Variants in BLTP1 observed in about 807,000 individuals in gnomAD.
The protein encoded by BLTP1 is fragile site-associated protein.
chr4:122,200,951 G>T, the BLTP1 span: 2 of 1,582,484 alleles, frequency 1.3e-6, no homozygotes, highest in Admixed American at 1.8e-5. Flanking sequence ...TTCTAATGCT[G>T]TTCACACAGT....
At chr4:122,247,452 A>G in the BLTP1 span, 5 of 1,381,864 alleles carry the variant, frequency 3.6e-6, no homozygotes, top group Middle Eastern at 1.8e-4. Flanking sequence ...GACTATTGCT[A>G]CAATTCGGTA....
chr4:122,203,787 G>A, the BLTP1 span: 1 of 507,664 alleles, frequency 2.0e-6, no homozygotes, highest in Non-Finnish European at 2.5e-6. Context: ...AGTTATTAAA[G>A]AAAAAAACTA....
chr4:122,339,534 A>T, the BLTP1 span: 1 of 676,618 alleles, frequency 1.5e-6, no homozygotes, highest in Non-Finnish European at 2.2e-6. Flanking sequence ...AGGATTATTT[A>T]TAGAAAGAAA....
At chr4:122,166,846 G>T in the BLTP1 span, among the ~76,000 whole-genome samples, 2 of 152,072 alleles carry the variant, frequency 1.3e-5, no homozygotes, top group Non-Finnish European at 2.9e-5. Context: ...ATTGTGAATG[G>T]GAGTTCACTC....
chr4:122,238,785 T>C, the BLTP1 span, among the ~76,000 whole-genome samples: 7 of 152,206 alleles, frequency 4.6e-5, no homozygotes, highest in African/African-American at 1.4e-4. Context: ...GTCTCCATTG[T>C]CCTGTCCTCC....
chr4:122,320,840 T>G, the BLTP1 span, among the ~76,000 whole-genome samples: 1 of 152,096 alleles, frequency 6.6e-6, no homozygotes, highest in Non-Finnish European at 1.5e-5. Flanking sequence ...TATTTGTTAC[T>G]ATTTTCTACT....
the BLTP1 span, chr4:122,270,474 A>C: frequency 2.3e-6 from 1 of 437,914 alleles, no homozygotes; most frequent in African/African-American, 2.1e-5. Context: ...TCTTTAGATA[A>C]GCAGGAGGAT....
chr4:122,200,925 G>A, the BLTP1 span: 5 of 1,518,658 alleles, frequency 3.3e-6, no homozygotes, highest in Admixed American at 2.2e-5. Flanking sequence ...TTACTCACTA[G>A]CGTGTGTAAC....
chr4:122,246,450 G>T, the BLTP1 span: 1 of 1,032,056 alleles, frequency 9.7e-7, no homozygotes, highest in Non-Finnish European at 1.4e-6. Context: ...AGATCTAATG[G>T]AATGTAAATA....
the BLTP1 span, chr4:122,225,003 C>A: frequency 2.0e-6 from 2 of 1,019,524 alleles, no homozygotes; most frequent in Non-Finnish European, 1.2e-6. Context: ...TATTACTTGG[C>A]CCTCCATTGT....
chr4:122,272,078 G>A, the BLTP1 span: 2 of 1,501,862 alleles, frequency 1.3e-6, no homozygotes, highest in Non-Finnish European at 1.8e-6. Context: ...GTGAAGGAAA[G>A]AAAGGTAAGA....
the BLTP1 span, among the ~76,000 whole-genome samples, chr4:122,159,518 C>T: frequency 1.3e-5 from 2 of 151,458 alleles, no homozygotes; most frequent in Non-Finnish European, 2.9e-5. Context: ...ACATTTTAAT[C>T]GTTGTTTACT....
the BLTP1 span, among the ~76,000 whole-genome samples, chr4:122,176,762 A>C: frequency 6.6e-6 from 1 of 152,308 alleles, no homozygotes; most frequent in Admixed American, 6.5e-5. Context: ...TAGAAGATGT[A>C]ATTTTCCTAA....
chr4:122,272,104 C>A, the BLTP1 span: 10 of 1,563,950 alleles, frequency 6.4e-6, no homozygotes, highest in Non-Finnish European at 8.7e-6. Context: ...TTTGGAATGT[C>A]CTTCCATTTT....
At chr4:122,281,913 T>C in the BLTP1 span, 1 of 1,302,286 alleles carries the variant, frequency 7.7e-7, no homozygotes, top group Non-Finnish European at 9.8e-7. Flanking sequence ...TCATTAATGA[T>C]GTTCTCTAGT....
At chr4:122,238,468 A>G in the BLTP1 span, 3 of 700,298 alleles carry the variant, frequency 4.3e-6, no homozygotes, top group South Asian at 5.7e-5. Context: ...TGTTACCTGT[A>G]TATCTGAACA....
the BLTP1 span, chr4:122,194,608 A>T: frequency 1.0e-6 from 1 of 979,808 alleles, no homozygotes; most frequent in Non-Finnish European, 1.2e-6. Context: ...CAGAACAGTT[A>T]TGTATTGTTT....
chr4:122,207,506 T>G, the BLTP1 span: 1 of 1,537,452 alleles, frequency 6.5e-7, no homozygotes, highest in Non-Finnish European at 8.7e-7. Flanking sequence ...GTAAATTTAC[T>G]TTTTCTTCTT....
At chr4:122,353,276 A>G in the BLTP1 span, 3 of 1,453,880 alleles carry the variant, frequency 2.1e-6, no homozygotes, top group African/African-American at 4.2e-5. This position sits in a 1 kb window ranked among gnomAD's most constrained non-coding sequence, Gnocchi z 4.3. Flanking sequence ...TAAGGAGTTC[A>G]CTACCAATAA....
Sources: gnomAD v4.1 joint callset for allele counts (sites outside exome capture counted in the v4.1 genomes callset) on GRCh38, gnomAD v4.1.1 for gene constraint, Gnocchi (gnomAD v3.1) non-coding constraint, MANE v1.5 for transcripts, NCBI Gene and HGNC (gene_info 2026-07-23, HGNC 2026-07-21) for gene names.